The following METTL25 variants were observed in gnomAD, a reference collection of about 807,000 sequenced individuals.
The protein encoded by METTL25 is probable methyltransferase-like protein 25.
METTL25 carries 64 observed loss-of-function variants against 71.6 expected under a neutral mutation model. The ratio of observed to expected loss-of-function variants is 0.89; its 90% CI spans 0.73 to 1.10. The LOEUF (loss-of-function observed/expected upper bound fraction) is 1.10. Ranked by LOEUF, METTL25 falls within the 50% of genes least tolerant of loss-of-function variation. The probability of loss-of-function intolerance (pLI) is 0.00; values close to 1 mark genes in which losing one functional copy is unlikely to be tolerated. For synonymous variants in METTL25, 287 were observed against 250.3 expected, an observed-to-expected ratio of 1.15 and a Z score of -1.38; for missense variants, 807 against 707.0, an observed-to-expected ratio of 1.14 and a Z score of -1.60.
chr12:82,451,981 T>G (rs949553931), intron 8 of METTL25, among the ~76,000 whole-genome samples: 3 of 152,188 alleles, frequency 2.0e-5, no homozygotes, highest in Non-Finnish European at 2.9e-5. Flanking sequence ...GTCTGTTTAA[T>G]GACAGAAGTT....
At chr12:82,455,895 G>T (rs960378156) in intron 8 of METTL25, among the ~76,000 whole-genome samples, 1 of 151,892 alleles carries the variant, frequency 6.6e-6, no homozygotes, top group East Asian at 1.9e-4. Flanking sequence ...AGAGACTTCA[G>T]TTTTAGAGGT....
chr12:82,426,961 A>G (rs1889079709), intron 5 of METTL25, among the ~76,000 whole-genome samples: 1 of 151,788 alleles, frequency 6.6e-6, no homozygotes, highest in South Asian at 2.1e-4. Flanking sequence ...TTTTATCCCT[A>G]TTCATATTAG....
intron 9 of METTL25, among the ~76,000 whole-genome samples, chr12:82,465,259 T>C (rs763463712): frequency 2.0e-5 from 3 of 152,008 alleles, no homozygotes; most frequent in Non-Finnish European, 4.4e-5. Context: ...ATGGCCTTTA[T>C]TATGTTGAGG....
At chr12:82,386,728 A>C in intron 1 of METTL25, 75 bp from the exon 2 acceptor site, 1 of 1,226,572 alleles carries the variant, frequency 8.2e-7, no homozygotes, top group Non-Finnish European at 1.2e-6. Flanking sequence ...TTAAGTGTTC[A>C]TTTGTTGTTT....
intron 4 of METTL25, among the ~76,000 whole-genome samples, chr12:82,399,948 C>CA (rs11404604): frequency 0.83 from 118,179 of 141,988 alleles, 49,467 homozygotes; most frequent in East Asian, 0.95. Flanking sequence ...CTCATTGTCT[C>CA]AAAAAAAAAA....
chr12:82,433,704 T>G (rs907585098), intron 6 of METTL25, among the ~76,000 whole-genome samples: 2 of 151,572 alleles, frequency 1.3e-5, no homozygotes, highest in African/African-American at 2.4e-5. Flanking sequence ...GCTCTTATAC[T>G]TATGAAAAGA....
chr12:82,417,713 A>G (rs1388276823), intron 5 of METTL25, among the ~76,000 whole-genome samples: 5 of 152,208 alleles, frequency 3.3e-5, no homozygotes, highest in Non-Finnish European at 7.3e-5. Context: ...TAGTAGGTAG[A>G]GACAGCAGAG....
intron 5 of METTL25, among the ~76,000 whole-genome samples, chr12:82,404,910 C>T (rs1459483434): frequency 6.6e-6 from 1 of 151,124 alleles, no homozygotes; most frequent in Non-Finnish European, 1.5e-5. Flanking sequence ...CGCCATTGCA[C>T]TCCAGCATGG....
chr12:82,390,226 C>G (rs772869172), intron 3 of METTL25, among the ~76,000 whole-genome samples: 3 of 151,978 alleles, frequency 2.0e-5, no homozygotes, highest in Non-Finnish European at 4.4e-5. Flanking sequence ...TCTCTCCAGT[C>G]TGAGGTAGCA....
At chr12:82,361,865 C>A (rs1275964387) in intron 1 of METTL25, among the ~76,000 whole-genome samples, 5 of 152,330 alleles carry the variant, frequency 3.3e-5, no homozygotes, top group Non-Finnish European at 7.4e-5. Context: ...GAAGGGCTCC[C>A]ACAGTGCAGT....
rs1488066296 is a variant in METTL25, at chr12:82,408,547, T to C, written c.1279+5417T>C. On this transcript the variant is annotated intron_variant, in intron 5 of 11. Transcript: ENST00000248306. ...GTATGTTTGGGATAATTATTATGGG[T>C]ATCCCTAGATTTTTGATAGCTTACC... Among the ~76,000 whole-genome samples the C allele has an allele frequency of 4.6e-5, 7 of 151,958 alleles. No individual in the cohort carries two copies. The East Asian group carries it at 9.6e-4, about 21-fold the overall frequency.
At chr12:82,375,595 C>T (rs1883762506) in intron 1 of METTL25, among the ~76,000 whole-genome samples, 4 of 152,176 alleles carry the variant, frequency 2.6e-5, no homozygotes, top group African/African-American at 9.7e-5. Context: ...CACCTACTAC[C>T]TTAAGTTTTT....
At chr12:82,423,303 G>A (rs1247699567) in intron 5 of METTL25, among the ~76,000 whole-genome samples, 1 of 152,086 alleles carries the variant, frequency 6.6e-6, no homozygotes, top group African/African-American at 2.4e-5. Context: ...AGCAATCCCT[G>A]TTTAATAAAT....
chr12:82,473,381 G>A (rs1293335062), intron 9 of METTL25, among the ~76,000 whole-genome samples: 3 of 152,148 alleles, frequency 2.0e-5, no homozygotes, highest in African/African-American at 7.2e-5. Flanking sequence ...CTGACCTAGG[G>A]CATGTCGGCC....
intron 5 of METTL25, among the ~76,000 whole-genome samples, chr12:82,428,043 G>T (rs2137134404): frequency 6.6e-6 from 1 of 152,020 alleles, no homozygotes; most frequent in African/African-American, 2.4e-5. Context: ...GCTCTTGTTT[G>T]CATGGTCTTA....
intron 5 of METTL25, among the ~76,000 whole-genome samples, chr12:82,414,076 C>T (rs1887770002): frequency 6.6e-6 from 1 of 151,968 alleles, no homozygotes; most frequent in Non-Finnish European, 1.5e-5. Context: ...GGATCTATCT[C>T]GGCTTGAATT....
At chr12:82,366,757 G>C (rs1882621544) in intron 1 of METTL25, among the ~76,000 whole-genome samples, 1 of 152,134 alleles carries the variant, frequency 6.6e-6, no homozygotes, top group Admixed American at 6.5e-5. Flanking sequence ...GAAATAATTA[G>C]TGTGTTCTGT....
At chr12:82,473,289 T>C (rs1413222547) in intron 9 of METTL25, among the ~76,000 whole-genome samples, 1 of 152,090 alleles carries the variant, frequency 6.6e-6, no homozygotes, top group East Asian at 1.9e-4. Context: ...CACAGTTGCT[T>C]AGCCAGCCTG....
At chr12:82,392,530 TC>T (rs1885690780) in intron 3 of METTL25, among the ~76,000 whole-genome samples, 1 of 152,064 alleles carries the variant, frequency 6.6e-6, no homozygotes, top group African/African-American at 2.4e-5. Flanking sequence ...TGGTTGTTGA[TC>T]CCTTGTCGAA....
Sources: gnomAD v4.1 joint callset for allele counts (sites outside exome capture counted in the v4.1 genomes callset) on GRCh38, gnomAD v4.1.1 for gene constraint, MANE v1.5 for transcripts, NCBI Gene and HGNC (gene_info 2026-07-23, HGNC 2026-07-21) for gene names.